The following PLPPR1 variants were observed in gnomAD, a reference collection of about 807,000 sequenced individuals.
PLPPR1 encodes phospholipid phosphatase-related protein type 1.
In PLPPR1, 10 loss-of-function variants were observed where a neutral mutation model predicts 33.1. The observed-to-expected ratio is 0.30, with a 90% CI of 0.19 to 0.51. The LOEUF is 0.51. Ranked by LOEUF, PLPPR1 falls within the 20% of genes least tolerant of loss-of-function variation. The pLI, the probability that PLPPR1 is intolerant of heterozygous loss-of-function variation, is 0.97. For missense variants in PLPPR1, 304 were observed against 408.1 expected (o/e 0.74, Z 2.20); for synonymous variants, 151 against 151.0 (o/e 1.00, Z 0.00).
At chr9:101,087,749 A>G (rs1028031125) in intron 1 of PLPPR1, among the ~76,000 whole-genome samples, 3 of 152,236 alleles carry the variant, frequency 2.0e-5, no homozygotes, top group African/African-American at 7.2e-5. Context: ...GTGGGAAGGG[A>G]GAAATTAACC....
At chr9:101,307,992 GT>G (rs1440290727) in intron 4 of PLPPR1, among the ~76,000 whole-genome samples, 3 of 152,208 alleles carry the variant, frequency 2.0e-5, no homozygotes, top group African/African-American at 4.8e-5. Context: ...ACCTCTGCAT[GT>G]TCAAGCTTGT....
rs114556778 is a variant in PLPPR1, at chr9:101,072,524, C to G, written c.-46+43422C>G. Among the ~76,000 whole-genome samples, 907 of 152,104 alleles carry G rather than the reference C, an allele frequency of 6.0e-3. 6 individuals are homozygous for G. The highest frequency in any genetic ancestry group is 0.024 in the Middle Eastern group (7 of 294). ...AGAAGGGAACTGATTTGGTGTATAA[C>G]AAATCACGCTGTGCCACAAGTAATG... On this transcript the variant is annotated intron_variant, in intron 1 of 7. Coordinates refer to ENST00000374874, the MANE Select transcript of PLPPR1 (RefSeq NM_207299.2).
intron 1 of PLPPR1, among the ~76,000 whole-genome samples, chr9:101,133,324 A>G (rs17490): frequency 0.47 from 71,443 of 151,888 alleles, 17,266 homozygotes; most frequent in Non-Finnish European, 0.53. Flanking sequence ...TATGTACATT[A>G]TGAAAGAAAA....
At chr9:101,058,547 C>T (rs1041476536) in intron 1 of PLPPR1, among the ~76,000 whole-genome samples, 13 of 152,078 alleles carry the variant, frequency 8.5e-5, no homozygotes, top group Admixed American at 6.6e-4. Flanking sequence ...ACTTAGACTG[C>T]GTGTTCAGTC....
rs758925822 is a variant in PLPPR1 at position 101,317,453 on chromosome 9, C to A, written c.902C>A (p.Ala301Asp). ...PEDPRGVPLM[A>D]FPRIESPLET... ...GATCCCCGTGGAGTACCCCTAATGG[C>A]TTTCCCAAGGATAGAAAGCCCTCTG... Residue 301 changes from alanine (A) to aspartate (D), a missense_variant, in exon 7 of 8, where the codon GCT becomes GAT. Physicochemically the swap from Ala to Asp is moderately radical, Grantham distance 126 (BLOSUM62 -2). Transcript: ENST00000374874. The A allele has an allele frequency of 1.2e-5, 20 of 1,613,962 alleles. No individual in the cohort carries two copies. Among genetic ancestry groups the A allele is most frequent in the Non-Finnish European group, 1.7e-5 (20 of 1,179,998 alleles).
chr9:101,168,443 C>G (rs147193920), intron 1 of PLPPR1, among the ~76,000 whole-genome samples: 1 of 152,246 alleles, frequency 6.6e-6, no homozygotes, highest in East Asian at 1.9e-4. Flanking sequence ...TCTCCTTCCT[C>G]CTGGGCCTCT....
At chr9:101,224,416 A>T (rs759812022) in intron 2 of PLPPR1, among the ~76,000 whole-genome samples, 10 of 152,092 alleles carry the variant, frequency 6.6e-5, no homozygotes, top group Non-Finnish European at 1.5e-4. Flanking sequence ...CCTTCTTTTC[A>T]CTGAACTCAA....
intron 1 of PLPPR1, among the ~76,000 whole-genome samples, chr9:101,124,306 G>C (rs1376948083): frequency 6.6e-6 from 1 of 152,204 alleles, no homozygotes; most frequent in East Asian, 1.9e-4. Context: ...ACTTCTTCAT[G>C]CTGAATAGGG....
intron 1 of PLPPR1, among the ~76,000 whole-genome samples, chr9:101,029,501 C>T (rs1347011991): frequency 6.6e-6 from 1 of 152,172 alleles, no homozygotes; most frequent in Admixed American, 6.5e-5. Context: ...GTAGCTGATG[C>T]CAAGTCCTCC....
chr9:101,186,423 G>A (rs1259899608), intron 2 of PLPPR1, among the ~76,000 whole-genome samples: 1 of 151,748 alleles, frequency 6.6e-6, no homozygotes, highest in Non-Finnish European at 1.5e-5. Context: ...CTGAAGGATA[G>A]TCTCCACATC....
rs528635345 is a variant in PLPPR1, at chr9:101,203,683, A to G, written c.63+18126A>G. Among the ~76,000 whole-genome samples the G allele has an allele frequency of 4.1e-5, 4 of 97,496 alleles. No individual in the cohort carries two copies. The South Asian group carries it at 8.0e-4, about 19-fold the overall frequency. The allele number at this position is 97,496 out of a possible 152,430, so 64.0% of individuals were successfully genotyped here. A position where few individuals can be genotyped will look rare whatever the true frequency, so the allele number is the denominator to read the frequency against. On this transcript the variant is annotated intron_variant, in intron 2 of 7. Transcript: ENST00000374874. Reference sequence around the variant, plus strand: ...GTGTGATGTGTATATATATGTCTATATACACATTAGATACATTATATATCT... The same window carrying G: ...GTGTGATGTGTATATATATGTCTATGTACACATTAGATACATTATATATCT...
intron 3 of PLPPR1, among the ~76,000 whole-genome samples, chr9:101,276,957 C>A (rs1309531004): frequency 2.0e-5 from 3 of 152,334 alleles, no homozygotes; most frequent in Non-Finnish European, 4.4e-5. Context: ...AGCTCTTGAA[C>A]TAGCCAAAGT....
At chr9:101,183,685 G>T (rs566912307) in intron 1 of PLPPR1, among the ~76,000 whole-genome samples, 2 of 106,566 alleles carry the variant, frequency 1.9e-5, no homozygotes, top group South Asian at 3.3e-4. Context: ...AGTTACTCCC[G>T]TCTCTTTGTG....
chr9:101,143,979 A>G (rs576508750), intron 1 of PLPPR1, among the ~76,000 whole-genome samples: 1 of 152,324 alleles, frequency 6.6e-6, no homozygotes, highest in Non-Finnish European at 1.5e-5. Context: ...ACACATGCAC[A>G]CGTATGTTTA....
At chr9:101,297,130 AAAT>A (rs1471673858) in intron 4 of PLPPR1, among the ~76,000 whole-genome samples, 2 of 152,190 alleles carry the variant, frequency 1.3e-5, no homozygotes, top group African/African-American at 4.8e-5. Flanking sequence ...CAAATTGGGC[AAAT>A]AATTTTTGGC....
chr9:101,313,020 C>G, intron 6 of PLPPR1, 46 bp downstream of exon 6: 1 of 1,578,116 alleles, frequency 6.3e-7, no homozygotes, highest in Non-Finnish European at 8.7e-7. Context: ...CTTCTACTCT[C>G]TGAAAAACTG....
At chr9:101,074,766 T>G (rs953269571) in intron 1 of PLPPR1, among the ~76,000 whole-genome samples, 1 of 152,014 alleles carries the variant, frequency 6.6e-6, no homozygotes, top group Non-Finnish European at 1.5e-5. Flanking sequence ...AGCTAAGTAT[T>G]GCACTAATTA....
At chr9:101,244,988 C>T (rs565825470) in intron 2 of PLPPR1, among the ~76,000 whole-genome samples, 1 of 152,074 alleles carries the variant, frequency 6.6e-6, no homozygotes, top group East Asian at 1.9e-4. Context: ...TACAATACAC[C>T]TACTAGTACT....
At position 101,303,201 on chromosome 9, in the gene PLPPR1, C is replaced by T. The variant is rs369520203; in HGVS notation, c.386-6010C>T. Among the ~76,000 whole-genome samples, 249 of 152,094 alleles carry T rather than the reference C, an allele frequency of 1.6e-3. 3 individuals carry two copies. In the Middle Eastern group the frequency reaches 0.017, roughly 10 times the overall value. On this transcript the variant is annotated intron_variant, in intron 4 of 7. Transcript: ENST00000374874. ...GTTTTATCATGCTGGCCAGGCTGGTCTCAAACTCCTGGCCTTAAGTGATCC... is the reference window on the plus strand; with the variant it reads ...GTTTTATCATGCTGGCCAGGCTGGTTTCAAACTCCTGGCCTTAAGTGATCC...
Sources: gnomAD v4.1 joint callset for allele counts (sites outside exome capture counted in the v4.1 genomes callset) on GRCh38, gnomAD v4.1.1 for gene constraint, MANE v1.5 for transcripts, NCBI Gene and HGNC (gene_info 2026-07-23, HGNC 2026-07-21) for gene names.